AIG1: variants seen among roughly 807,000 people sequenced by gnomAD.
AIG1 encodes androgen-induced gene 1 protein.
A neutral mutation model predicts 31.4 loss-of-function variants in AIG1; 23 were observed. The ratio of observed to expected loss-of-function variants is 0.73; its 90% CI spans 0.53 to 1.04. AIG1 has a LOEUF of 1.04. AIG1 is among the 50% of genes least tolerant of loss of function. The pLI is 0.00. For missense variants in AIG1, 274 were observed against 295.0 expected (o/e 0.93, Z 0.52); for synonymous variants, 100 against 110.5 (o/e 0.90, Z 0.60).
chr6:143,333,550 C>A lies in AIG1; in HGVS notation c.679+105C>A. On this transcript the variant is annotated intron_variant, in intron 5 of 5. Transcript: ENST00000357847. This position sits in a 1 kb window ranked among gnomAD's most constrained non-coding sequence, Gnocchi z 4.6. ...CTGTAGCCTCTTCTTTTAGCCTTCA[C>A]ACAGGATCTCCTATAAAGAGCTCCA... 8.4e-7 allele frequency: 1 copy of A among 1,189,872 alleles called. No homozygotes were observed. The highest frequency in any genetic ancestry group is 1.2e-6 in the Non-Finnish European group (1 of 853,096). 73.7% of individuals were successfully genotyped at this position (1,189,872 alleles called of 1,614,324 possible).
At chr6:143,141,389 T>A (rs1784233966) in intron 2 of AIG1, among the ~76,000 whole-genome samples, 1 of 152,214 alleles carries the variant, frequency 6.6e-6, no homozygotes, top group Non-Finnish European at 1.5e-5. Flanking sequence ...TAAATATGAT[T>A]TTGTGACCCA....
chr6:143,331,404 G>A lies in AIG1; in HGVS notation c.516-1878G>A, dbSNP rs1353809468. On this transcript the variant is annotated intron_variant, in intron 4 of 5. Transcript: ENST00000357847. This position sits in a 1 kb window ranked among gnomAD's most constrained non-coding sequence, Gnocchi z 4.1. ...GTAACTGATAGATACCATGCTTTCT[G>A]TCTCTGTGAAATTGCCTATTCTAGG... Among the ~76,000 whole-genome samples, 1 of 151,916 alleles carries A rather than the reference G, an allele frequency of 6.6e-6. No homozygotes were observed. Among genetic ancestry groups the A allele is most frequent in the African/African-American group, 2.4e-5 (1 of 41,334 alleles).
intron 3 of AIG1, among the ~76,000 whole-genome samples, chr6:143,243,928 G>A (rs957557257): frequency 6.6e-6 from 1 of 152,172 alleles, no homozygotes; most frequent in African/African-American, 2.4e-5. Context: ...GCCAGGCCTA[G>A]ATTTGCCATC....
At chr6:143,166,669 GA>G (rs1426229495) in intron 3 of AIG1, among the ~76,000 whole-genome samples, 2 of 152,200 alleles carry the variant, frequency 1.3e-5, no homozygotes, top group Non-Finnish European at 2.9e-5. Flanking sequence ...TTATTAAATT[GA>G]TGAATGAATT....
chr6:143,061,465 A>G, intron 1 of AIG1: 1 of 355,512 alleles, frequency 2.8e-6, no homozygotes, highest in South Asian at 2.1e-5. Flanking sequence ...TTTTCAGAGC[A>G]CCCACCGTGG....
At chr6:143,101,219 G>T (rs1397321946) in intron 1 of AIG1, among the ~76,000 whole-genome samples, 1 of 151,956 alleles carries the variant, frequency 6.6e-6, no homozygotes, top group Non-Finnish European at 1.5e-5. Context: ...TAATGAGGTG[G>T]CGCATATAGT....
intron 3 of AIG1, among the ~76,000 whole-genome samples, chr6:143,275,163 G>C (rs1796808712): frequency 6.6e-6 from 1 of 152,158 alleles, no homozygotes. Flanking sequence ...GAGTAGAAAG[G>C]GGGAAATTGT....
intron 1 of AIG1, among the ~76,000 whole-genome samples, chr6:143,071,498 C>T (rs200152): frequency 0.11 from 17,154 of 152,216 alleles, 1,376 homozygotes; most frequent in Non-Finnish European, 0.17. Context: ...TTTAGTTTTA[C>T]CGGAAGCTAC....
At chr6:143,255,293 T>G (rs1051057004) in intron 3 of AIG1, among the ~76,000 whole-genome samples, 1 of 152,210 alleles carries the variant, frequency 6.6e-6, no homozygotes, top group African/African-American at 2.4e-5. Flanking sequence ...GACCACAGAC[T>G]AGGTGGCTTA....
At chr6:143,059,815 G>A (rs1477441490), upstream of AIG1, among the ~76,000 whole-genome samples, 2 of 152,180 alleles carry the variant, frequency 1.3e-5, no homozygotes, top group African/African-American at 2.4e-5. Flanking sequence ...TACCTATGTT[G>A]CCTTTTCATA....
At chr6:143,319,279 G>A (rs1353725591) in intron 4 of AIG1, among the ~76,000 whole-genome samples, 6 of 152,012 alleles carry the variant, frequency 3.9e-5, no homozygotes, top group South Asian at 2.1e-4. Flanking sequence ...TATACACCAC[G>A]GAATACTACT....
intron 4 of AIG1, among the ~76,000 whole-genome samples, chr6:143,315,800 C>T (rs929610010): frequency 6.6e-6 from 1 of 151,910 alleles, no homozygotes; most frequent in Admixed American, 6.6e-5. Flanking sequence ...AATAATAATC[C>T]ACTTGACTCA....
intron 2 of AIG1, among the ~76,000 whole-genome samples, chr6:143,157,001 A>T (rs1331979719): frequency 6.6e-6 from 1 of 152,212 alleles, no homozygotes; most frequent in Admixed American, 6.5e-5. Context: ...CTGGGAAAGC[A>T]CTACAGTATC....
intron 3 of AIG1, among the ~76,000 whole-genome samples, chr6:143,243,110 A>G (rs1439889175): frequency 6.6e-6 from 1 of 152,130 alleles, no homozygotes; most frequent in Non-Finnish European, 1.5e-5. Context: ...CATACTCCAC[A>G]AGGCTTATAT....
chr6:143,241,944 T>C (rs1195800621), intron 3 of AIG1, among the ~76,000 whole-genome samples: 1 of 152,216 alleles, frequency 6.6e-6, no homozygotes, highest in Non-Finnish European at 1.5e-5. Context: ...TGTTTAGATT[T>C]GGGTCCCATC....
chr6:143,287,099 C>G (rs1321673212), intron 4 of AIG1, among the ~76,000 whole-genome samples: 3 of 152,066 alleles, frequency 2.0e-5, no homozygotes, highest in Admixed American at 2.0e-4. Context: ...GCTCTTAACT[C>G]CTTTCCTGGA....
chr6:143,170,832 T>C (rs1461734022), intron 3 of AIG1, among the ~76,000 whole-genome samples: 2 of 151,620 alleles, frequency 1.3e-5, no homozygotes, highest in African/African-American at 4.8e-5. Flanking sequence ...AAAGAATTTA[T>C]TCATGTAACT....
chr6:143,252,310 G>A (rs567226098), intron 3 of AIG1, among the ~76,000 whole-genome samples: 2 of 151,950 alleles, frequency 1.3e-5, no homozygotes, highest in South Asian at 2.1e-4. Flanking sequence ...TAGTAGATAT[G>A]GGGTTTCACC....
At chr6:143,317,945 G>A (rs1388045687) in intron 4 of AIG1, among the ~76,000 whole-genome samples, 5 of 151,968 alleles carry the variant, frequency 3.3e-5, no homozygotes, top group African/African-American at 1.2e-4. Flanking sequence ...AATCAAGGAG[G>A]TGAAAGACAT....
Sources: gnomAD v4.1 joint callset for allele counts (sites outside exome capture counted in the v4.1 genomes callset) on GRCh38, gnomAD v4.1.1 for gene constraint, Gnocchi (gnomAD v3.1) non-coding constraint, MANE v1.5 for transcripts, NCBI Gene and HGNC (gene_info 2026-07-23, HGNC 2026-07-21) for gene names.